ACLY: variants seen among roughly 807,000 people sequenced by gnomAD.
ACLY encodes ATP-citrate synthase.
Under a neutral mutation model 133.0 loss-of-function variants are expected in ACLY, and 41 were observed. That is an observed-to-expected ratio of 0.31 (90% CI 0.24 to 0.40). The LOEUF (loss-of-function observed/expected upper bound fraction) is 0.40. Ranked by LOEUF, ACLY falls within the 10% of genes least tolerant of loss-of-function variation. The pLI, the probability that ACLY is intolerant of heterozygous loss-of-function variation, is 1.00. For synonymous variants in ACLY, 495 were observed against 549.3 expected (o/e 0.90, Z 1.38); for missense variants, 1,046 against 1,453.8 (o/e 0.72, Z 4.56).
chr17:41,901,265 A>G (rs542943371), intron 11 of ACLY, among the ~76,000 whole-genome samples: 1 of 152,164 alleles, frequency 6.6e-6, no homozygotes, highest in East Asian at 1.9e-4. Context: ...AGTTTGATCA[A>G]GCATTTTCTG....
rs548321878 is a variant in ACLY at position 41,873,171 on chromosome 17, G to A, written c.2642+640C>T. 2.6e-5 allele frequency among the ~76,000 whole-genome samples: 4 copies of A among 151,422 alleles called. No homozygotes were observed. In the South Asian group the frequency reaches 6.3e-4, roughly 24 times the overall value. On this transcript the variant is annotated intron_variant, in intron 23 of 28. Coordinates refer to ENST00000352035, the MANE Select transcript of ACLY (RefSeq NM_001096.3). The stretch of plus-strand genomic sequence containing the variant: ...AAACAAATTTGCAAAGTGAACACAA[G>A]GTACTTTTTTTTTTTTTTTTTTGAG...
intron 1 of ACLY, among the ~76,000 whole-genome samples, chr17:41,916,969 CCT>C (rs2050067869): frequency 6.6e-6 from 1 of 151,302 alleles, no homozygotes; most frequent in Non-Finnish European, 1.5e-5. Flanking sequence ...ATGGTGAAAC[CCT>C]GTTTCTACTA....
chr17:41,922,644 C>T (rs943852104), upstream of ACLY, among the ~76,000 whole-genome samples: 4 of 152,238 alleles, frequency 2.6e-5, no homozygotes, highest in Non-Finnish European at 5.9e-5. Context: ...ATGTGCATGA[C>T]GAAGATAGGG....
chr17:41,906,886 G>A (rs1474599231), intron 7 of ACLY, among the ~76,000 whole-genome samples: 2 of 152,138 alleles, frequency 1.3e-5, no homozygotes, highest in Non-Finnish European at 2.9e-5. Flanking sequence ...CTTCTCTGAC[G>A]TCAAGTACTT....
rs781817246 is a variant in ACLY, at chr17:41,905,529, G to A, written c.996C>T (p.His332=). ...TGTGTGCAAGTATCTCACCATCTGG[G>A]TGCTTCTCTCGGGTCATGAGGGAGA... The part of the protein sequence containing the change: ...TILSLMTREK[H]PDGKILIIGG... Residue 332 remains histidine, a synonymous_variant, in exon 9 of 29, where the codon CAC becomes CAT. Coordinates refer to ENST00000352035, the MANE Select transcript of ACLY (RefSeq NM_001096.3). The A allele has an allele frequency of 6.2e-7, 1 of 1,614,080 alleles. No individual in the cohort carries two copies. Among genetic ancestry groups the A allele is most frequent in the African/African-American group, 1.3e-5 (1 of 74,918 alleles).
intron 28 of ACLY, 29 bp downstream of exon 28, chr17:41,868,680 A>C (rs1555624419): frequency 6.9e-6 from 11 of 1,601,484 alleles, no homozygotes; most frequent in Non-Finnish European, 9.4e-6. Flanking sequence ...TTAAAAAAAA[A>C]CACTTAAAAC....
chr17:41,873,997 C>G, intron 22 of ACLY, 32 bp from the exon 23 acceptor site: 1 of 1,557,806 alleles, frequency 6.4e-7, no homozygotes, highest in Non-Finnish European at 8.7e-7. Context: ...GGAAGCAGGG[C>G]CCTGGTGACC....
intron 10 of ACLY, 69 bp from the exon 11 acceptor site, chr17:41,901,882 A>T (rs2049551064): frequency 8.1e-7 from 1 of 1,229,720 alleles, no homozygotes; most frequent in Admixed American, 2.1e-5. Context: ...AACCGTGATA[A>T]ACAAACATAC....
At position 41,918,945 on chromosome 17, in the gene ACLY, C is replaced by T. The variant is rs1555634986; in HGVS notation, c.-89G>A. On this transcript the variant is annotated 5_prime_UTR_variant, in exon 1 of 29. It adds an upstream start codon to the 5' untranslated region. Coordinates refer to ENST00000352035, the MANE Select transcript of ACLY (RefSeq NM_001096.3). ...GACGAACCCCGCAAAATCCGGAGCA[C>T]CCCAGCAGCCGGTAGCTTCCCGGGA... 1 of 1,289,336 alleles carries T rather than the reference C, an allele frequency of 7.8e-7. No individual in the cohort carries two copies. The highest frequency in any genetic ancestry group is 1.2e-5 in the South Asian group (1 of 80,892). The allele number at this position is 1,289,336 out of a possible 1,614,324, so 79.9% of individuals were successfully genotyped here.
chr17:41,898,837 C>T, intron 11 of ACLY, 52 bp from the exon 12 acceptor site: 1 of 1,566,428 alleles, frequency 6.4e-7, no homozygotes, highest in Non-Finnish European at 8.7e-7. Context: ...GATAAGGGCC[C>T]AAGTCCATGT....
chr17:41,906,445 C>A, intron 8 of ACLY, 83 bp downstream of exon 8: 5 of 1,246,938 alleles, frequency 4.0e-6, no homozygotes, highest in East Asian at 4.7e-5. Flanking sequence ...ACCAAAGTGA[C>A]AGGACCCCAC....
chr17:41,905,418 C>A, intron 9 of ACLY, 104 bp downstream of exon 9: 7 of 1,480,030 alleles, frequency 4.7e-6, no homozygotes, highest in Non-Finnish European at 6.5e-6. Flanking sequence ...TTGCAAAGGA[C>A]CACACACAGC....
Position 41,918,939 on chromosome 17 carries a change from G to C in ACLY, c.-83C>G. Reference sequence around the variant, plus strand: ...AGGCCCGACGAACCCCGCAAAATCCGGAGCACCCCAGCAGCCGGTAGCTTC... The same window carrying C: ...AGGCCCGACGAACCCCGCAAAATCCCGAGCACCCCAGCAGCCGGTAGCTTC... On this transcript the variant is annotated 5_prime_UTR_variant, in exon 1 of 29. Transcript: ENST00000352035. The C allele has an allele frequency of 7.8e-7, 1 of 1,289,254 alleles. No individual in the cohort carries two copies. Among genetic ancestry groups the C allele is most frequent in the South Asian group, 1.2e-5 (1 of 80,896 alleles). 79.9% of individuals were successfully genotyped at this position (1,289,254 alleles called of 1,614,324 possible). A position where few individuals can be genotyped will look rare whatever the true frequency, so the allele number is the denominator to read the frequency against.
chr17:41,907,539 A>C lies in ACLY; in HGVS notation c.650T>G (p.Leu217Trp). Residue 217 changes from leucine (L) to tryptophan (W), a missense_variant, in exon 7 of 29, where the codon TTG becomes TGG. Leu to Trp is a moderately conservative substitution (Grantham distance 61, BLOSUM62 -2). Transcript: ENST00000352035. ...VTKDGVYVLD[L>W]AAKVDATADY... Reference sequence around the variant, plus strand: ...GGCAGTGGCGTCCACCTTGGCCGCCAAGTCAAGGACATAGACTCCATCTTT... The same window carrying C: ...GGCAGTGGCGTCCACCTTGGCCGCCCAGTCAAGGACATAGACTCCATCTTT... 1 of 1,614,108 alleles carries C rather than the reference A, an allele frequency of 6.2e-7. No individual in the cohort carries two copies. Among genetic ancestry groups the C allele is most frequent in the Non-Finnish European group, 8.5e-7 (1 of 1,180,008 alleles).
intron 10 of ACLY, among the ~76,000 whole-genome samples, chr17:41,903,630 C>T (rs1416163795): frequency 6.6e-6 from 1 of 151,616 alleles, no homozygotes; most frequent in Non-Finnish European, 1.5e-5. Flanking sequence ...GTGGCGGGCA[C>T]CTGTAGTCCC....
At chr17:41,886,980 C>T (rs894147324) in intron 17 of ACLY, among the ~76,000 whole-genome samples, 2 of 151,726 alleles carry the variant, frequency 1.3e-5, no homozygotes, top group Non-Finnish European at 2.9e-5. Flanking sequence ...CAAAATTAGC[C>T]AGGCGTGGTG....
chr17:41,898,014 A>G (rs1458673521), intron 12 of ACLY, among the ~76,000 whole-genome samples, 175 bp from the exon 13 acceptor site: 2 of 152,210 alleles, frequency 1.3e-5, no homozygotes, highest in African/African-American at 4.8e-5. Context: ...ATATTATCCC[A>G]TGTTACAGAT....
intron 10 of ACLY, among the ~76,000 whole-genome samples, chr17:41,903,440 AG>A (rs2049593652): frequency 6.6e-6 from 1 of 152,110 alleles, no homozygotes; most frequent in Admixed American, 6.5e-5. Flanking sequence ...TTTTGGAAAA[AG>A]GGCTCATGAC....
chr17:41,930,505 C>A, exon 1 of ACLY: 2 of 507,202 alleles, frequency 3.9e-6, no homozygotes, highest in Non-Finnish European at 7.1e-6. Context: ...CAGCCGTCAG[C>A]CACGCAATCA....
Sources: allele counts gnomAD v4.1 joint callset (sites outside exome capture counted in the v4.1 genomes callset), GRCh38; gene constraint gnomAD v4.1.1; transcripts MANE v1.5; gene names NCBI Gene and HGNC (gene_info 2026-07-23, HGNC 2026-07-21).